Variants in KLF12 observed in about 807,000 individuals in gnomAD.
The protein encoded by KLF12 is Krueppel-like factor 12.
Under a neutral mutation model 37.8 loss-of-function variants are expected in KLF12, and 9 were observed. That is an observed-to-expected ratio of 0.24 (90% CI 0.14 to 0.42). The LOEUF (loss-of-function observed/expected upper bound fraction) is 0.42. Among genes scored for constraint, KLF12 ranks in the 10% least tolerant of loss-of-function variants. KLF12 has a pLI of 1.00. For synonymous variants in KLF12, 208 were observed against 202.1 expected (o/e 1.03, Z -0.25); for missense variants, 411 against 516.0 (o/e 0.80, Z 1.97).
intron 1 of KLF12, among the ~76,000 whole-genome samples, chr13:74,125,635 C>A (rs1877899367): frequency 6.6e-6 from 1 of 152,202 alleles, no homozygotes; most frequent in Non-Finnish European, 1.5e-5. Context: ...ACCACTGCTG[C>A]AGAACATCCT....
intron 6 of KLF12, among the ~76,000 whole-genome samples, chr13:73,735,128 TAAA>T (rs34423201): frequency 0.038 from 3,562 of 93,572 alleles, 204 homozygotes; most frequent in African/African-American, 0.13. Context: ...CCTCTACTAT[TAAA>T]AAAAAAAAAA....
intron 7 of KLF12, among the ~76,000 whole-genome samples, chr13:73,700,679 G>C (rs1297403355): frequency 6.6e-6 from 1 of 152,026 alleles, no homozygotes; most frequent in African/African-American, 2.4e-5. Flanking sequence ...TGTCCAGCCA[G>C]AGAGCTCAAG....
At chr13:74,260,940 C>T in the KLF12 span, among the ~76,000 whole-genome samples, 1 of 151,928 alleles carries the variant, frequency 6.6e-6, no homozygotes, top group Non-Finnish European at 1.5e-5. Flanking sequence ...ATTTTGAAAA[C>T]AAAGAAGTTC....
chr13:74,262,982 A>G, the KLF12 span, among the ~76,000 whole-genome samples: 6 of 152,216 alleles, frequency 3.9e-5, no homozygotes, highest in African/African-American at 1.4e-4. Context: ...TACAGCTGAA[A>G]GTAAAATCAA....
chr13:74,302,350 T>C, the KLF12 span, among the ~76,000 whole-genome samples: 1 of 152,154 alleles, frequency 6.6e-6, no homozygotes, highest in Non-Finnish European at 1.5e-5. Context: ...ATGGATAAGA[T>C]ACAGAGTGAA....
chr13:74,015,029 A>G (rs994087136), intron 1 of KLF12, among the ~76,000 whole-genome samples: 11 of 152,172 alleles, frequency 7.2e-5, no homozygotes, highest in Non-Finnish European at 1.5e-4. Context: ...TCATGATCAT[A>G]GCTGGATAGA....
At chr13:74,038,953 C>G (rs1383303160) in intron 1 of KLF12, among the ~76,000 whole-genome samples, 1 of 151,204 alleles carries the variant, frequency 6.6e-6, no homozygotes, top group African/African-American at 2.4e-5. Context: ...ATATCTATAA[C>G]TAGCAAAAAA....
At chr13:73,781,529 C>A (rs1313228074) in intron 5 of KLF12, among the ~76,000 whole-genome samples, 1 of 152,144 alleles carries the variant, frequency 6.6e-6, no homozygotes, top group African/African-American at 2.4e-5. Context: ...TTTAAATAAT[C>A]AAGACAAACT....
the KLF12 span, among the ~76,000 whole-genome samples, chr13:74,214,986 G>A: frequency 6.6e-6 from 1 of 151,928 alleles, no homozygotes; most frequent in African/African-American, 2.4e-5. Context: ...TAGAGACGGG[G>A]TTTCACCATG....
At chr13:73,894,007 T>C (rs1485179884) in intron 3 of KLF12, among the ~76,000 whole-genome samples, 2 of 152,164 alleles carry the variant, frequency 1.3e-5, no homozygotes. Flanking sequence ...TCTTAGGAGC[T>C]GGCTAACGAG....
chr13:73,976,500 C>G (rs935350017), intron 2 of KLF12, among the ~76,000 whole-genome samples: 2 of 152,214 alleles, frequency 1.3e-5, no homozygotes, highest in Middle Eastern at 3.4e-3. Context: ...GTTAACACTC[C>G]AAGCCAAGCC....
chr13:74,034,827 C>T (rs1035429198), intron 1 of KLF12, among the ~76,000 whole-genome samples: 2 of 152,228 alleles, frequency 1.3e-5, no homozygotes, highest in African/African-American at 4.8e-5. Flanking sequence ...TTTGTCTAAG[C>T]TTCCAAGGTA....
At chr13:74,240,732 G>T in the KLF12 span, among the ~76,000 whole-genome samples, 3 of 120,252 alleles carry the variant, frequency 2.5e-5, no homozygotes, top group South Asian at 3.2e-4. Flanking sequence ...CCAGTTGATC[G>T]CATCGGCTCC....
chr13:73,875,701 C>T lies in KLF12; in HGVS notation c.124-29328G>A, dbSNP rs182307195. On this transcript the variant is annotated intron_variant, in intron 3 of 7. Coordinates refer to ENST00000377669, the MANE Select transcript of KLF12 (RefSeq NM_007249.5). ...TTGATAAAGGTGTATTAAAATCTAC[C>T]TCTGTAGTAGATGACTTTTTAACGT... Among the ~76,000 whole-genome samples, 348 of 152,126 alleles carry T rather than the reference C, an allele frequency of 2.3e-3. 1 individual carries two copies. The highest frequency in any genetic ancestry group is 7.5e-3 in the African/African-American group (310 of 41,526).
chr13:74,232,799 C>T, the KLF12 span, among the ~76,000 whole-genome samples: 1 of 152,110 alleles, frequency 6.6e-6, no homozygotes, highest in East Asian at 1.9e-4. Context: ...AGTGTTGGGC[C>T]ATCCCATGTA....
rs17062039 is a variant in KLF12, at chr13:74,052,961, T to C, written c.-31-57908A>G. Among the ~76,000 whole-genome samples, 1,270 of 152,258 alleles carry C rather than the reference T, an allele frequency of 8.3e-3. 19 individuals are homozygous for C. The highest frequency in any genetic ancestry group is 0.057 in the East Asian group (293 of 5,174). On this transcript the variant is annotated intron_variant, in intron 1 of 7. Transcript: ENST00000377669. The stretch of plus-strand genomic sequence containing the variant: ...AAACATCAGTCTTCCCTGGCTACCA[T>C]ATGCTCTATCCACCACCGTCATACA...
At chr13:73,974,588 C>T (rs1299561854) in intron 2 of KLF12, among the ~76,000 whole-genome samples, 1 of 152,138 alleles carries the variant, frequency 6.6e-6, no homozygotes, top group Non-Finnish European at 1.5e-5. Flanking sequence ...AAAATCCAGT[C>T]AAATGAGTCA....
intron 1 of KLF12, among the ~76,000 whole-genome samples, chr13:74,118,584 C>G (rs1877447390): frequency 2.0e-5 from 3 of 152,132 alleles, no homozygotes; most frequent in Admixed American, 2.0e-4. Flanking sequence ...GACTCAGTTG[C>G]AAAGGCTGGT....
the KLF12 span, among the ~76,000 whole-genome samples, chr13:74,291,899 T>C: frequency 6.6e-6 from 1 of 152,218 alleles, no homozygotes; most frequent in Non-Finnish European, 1.5e-5. Context: ...CTCAGCTGTG[T>C]ATCAGAACTT....
Sources: allele counts gnomAD v4.1 joint callset (sites outside exome capture counted in the v4.1 genomes callset), GRCh38; gene constraint gnomAD v4.1.1; transcripts MANE v1.5; gene names NCBI Gene and HGNC (gene_info 2026-07-23, HGNC 2026-07-21).